Variants in DOCK8 observed in about 807,000 individuals in gnomAD.
DOCK8 encodes dedicator of cytokinesis 8.
A neutral mutation model predicts 245.6 loss-of-function variants in DOCK8; 141 were observed. That is an observed-to-expected ratio of 0.57 (90% confidence interval 0.50 to 0.66). The LOEUF is 0.66. Ranked by LOEUF, DOCK8 falls within the 30% of genes least tolerant of loss-of-function variation. The probability of loss-of-function intolerance (pLI) is 0.00; values close to 1 mark genes in which losing one functional copy is unlikely to be tolerated. For missense variants in DOCK8, 2,965 were observed against 2,603.4 expected, an observed-to-expected ratio of 1.14 and a Z score of -3.02; for synonymous variants, 1,168 against 970.2, an observed-to-expected ratio of 1.20 and a Z score of -3.79.
chr9:254,659 G>C (rs1305982231), intron 1 of DOCK8, among the ~76,000 whole-genome samples: 1 of 152,170 alleles, frequency 6.6e-6, no homozygotes, highest in Non-Finnish European at 1.5e-5. Context: ...GGTGGAAGTG[G>C]AAAATTGCAG....
chr9:343,870 C>T (rs1240978267), intron 14 of DOCK8, among the ~76,000 whole-genome samples: 3 of 152,218 alleles, frequency 2.0e-5, no homozygotes, highest in African/African-American at 7.2e-5. Flanking sequence ...TCAACTTCCC[C>T]TCAGCATTTA....
chr9:291,281 G>T (rs2049025897), intron 4 of DOCK8, among the ~76,000 whole-genome samples: 1 of 151,916 alleles, frequency 6.6e-6, no homozygotes, highest in Non-Finnish European at 1.5e-5. Context: ...TCTTGATCTT[G>T]CACAAATGTA....
In DOCK8 at chr9:406,619, T is replaced by C. The variant is rs556886382; in HGVS notation, c.3391-311T>C. On this transcript the variant is annotated intron_variant, in intron 27 of 47. Coordinates refer to ENST00000432829, the MANE Select transcript of DOCK8 (RefSeq NM_203447.4). ...TGAGGTTCTTATTTCTCTGTCCAAC[T>C]TTTATGCTAGGATTTTTATCTTCAG... Among the ~76,000 whole-genome samples, 5 of 152,260 alleles carry C rather than the reference T, an allele frequency of 3.3e-5. No individual in the cohort carries two copies. The East Asian group carries it at 9.6e-4, about 29-fold the overall frequency.
chr9:273,550 G>C (rs377594055), intron 2 of DOCK8, among the ~76,000 whole-genome samples: 3 of 152,158 alleles, frequency 2.0e-5, no homozygotes, highest in Non-Finnish European at 4.4e-5. Flanking sequence ...TTAGTGCTTT[G>C]CTTTTTTAAA....
chr9:213,503 A>AT (rs562427740), upstream of DOCK8: 6 of 152,174 alleles, frequency 3.9e-5, no homozygotes, highest in Non-Finnish European at 5.9e-5. Flanking sequence ...TTAATAATAT[A>AT]TTTTTTATAT....
intron 10 of DOCK8, among the ~76,000 whole-genome samples, 170 bp downstream of exon 10, chr9:332,648 C>CTT (rs35539095): frequency 4.7e-5 from 3 of 63,962 alleles, no homozygotes; most frequent in African/African-American, 1.4e-4. Context: ...CCGATGATGA[C>CTT]TTTTTTTTTT....
chr9:378,230 T>C (rs1036542142), intron 20 of DOCK8, among the ~76,000 whole-genome samples: 1 of 152,176 alleles, frequency 6.6e-6, no homozygotes, highest in Non-Finnish European at 1.5e-5. Context: ...TCTGGGAGGA[T>C]GCAGGAGGTC....
chr9:271,561 G>A, intron 1 of DOCK8, 66 bp from the exon 2 acceptor site: 1 of 1,218,000 alleles, frequency 8.2e-7, no homozygotes, highest in Non-Finnish European at 1.2e-6. Flanking sequence ...ATCAAAGATT[G>A]CATCTAAAAT....
intron 40 of DOCK8, 84 bp from the exon 41 acceptor site, chr9:441,202 A>G (rs901729897): frequency 1.3e-6 from 2 of 1,580,466 alleles, no homozygotes; most frequent in African/African-American, 2.7e-5. Context: ...TCTCCAGCAC[A>G]TTGTTTGGAC....
chr9:402,053 A>T (rs971600312), intron 26 of DOCK8, among the ~76,000 whole-genome samples: 4 of 152,158 alleles, frequency 2.6e-5, no homozygotes, highest in African/African-American at 9.7e-5. Flanking sequence ...CAAAACTTTA[A>T]GTTGAGTGTA....
rs1468541143 is a variant in DOCK8, at chr9:433,739, T to G, written c.4786-136T>G. On this transcript the variant is annotated intron_variant, in intron 37 of 47. Coordinates refer to ENST00000432829, the MANE Select transcript of DOCK8 (RefSeq NM_203447.4). Reference sequence around the variant, plus strand: ...TGAAAACTACAGAGTCAGGTCTAGATGACTCCGCCATCCCTAGTCTCTGCT... The same window carrying G: ...TGAAAACTACAGAGTCAGGTCTAGAGGACTCCGCCATCCCTAGTCTCTGCT... 3 of 735,386 alleles carry G rather than the reference T, an allele frequency of 4.1e-6. No individual in the cohort carries two copies. The African/African-American group carries it at 5.2e-5, about 13-fold the overall frequency. 45.6% of individuals were successfully genotyped at this position (735,386 alleles called of 1,614,324 possible).
chr9:266,431 A>T lies in DOCK8; in HGVS notation c.54-5196A>T, dbSNP rs77919192. 5.9e-3 allele frequency among the ~76,000 whole-genome samples: 904 copies of T among 152,282 alleles called. 4 individuals are homozygous for T. The highest frequency in any genetic ancestry group is 0.021 in the African/African-American group (867 of 41,546). On this transcript the variant is annotated intron_variant, in intron 1 of 47. Transcript: ENST00000432829. ...CTTCACAGTCTTGCACTATCAGTGA[A>T]TCTTATGCTTTATTGAACATAAAAA...
At chr9:439,454 A>G in intron 40 of DOCK8, 66 bp downstream of exon 40, 1 of 1,595,990 alleles carries the variant, frequency 6.3e-7, no homozygotes, top group Non-Finnish European at 8.5e-7. Context: ...GGGTGCTGGG[A>G]ACACCTGGTC....
chr9:226,675 A>T (rs1241952106), intron 1 of DOCK8, among the ~76,000 whole-genome samples: 2 of 152,190 alleles, frequency 1.3e-5, no homozygotes, highest in Non-Finnish European at 2.9e-5. Context: ...TGATGCTTTT[A>T]ACAGAGATTG....
chr9:457,305 C>T (rs12682895), intron 46 of DOCK8, among the ~76,000 whole-genome samples: 26,941 of 152,134 alleles, frequency 0.18, 2,871 homozygotes, highest in East Asian at 0.44. Flanking sequence ...AAGTTACCTA[C>T]CCTCGGTTTC....
At chr9:292,095 G>C (rs568774994) in intron 4 of DOCK8, among the ~76,000 whole-genome samples, 59 of 112,872 alleles carry the variant, frequency 5.2e-4, no homozygotes, top group African/African-American at 1.9e-3. Context: ...AAAAAAGCCA[G>C]GCACGGTGCT....
chr9:350,070 C>T (rs1004203687), intron 14 of DOCK8, among the ~76,000 whole-genome samples: 9 of 152,148 alleles, frequency 5.9e-5, no homozygotes, highest in East Asian at 5.8e-4. Context: ...TCCTCAAGTT[C>T]GGCTCATCGC....
chr9:427,428 C>G (rs1052722289), intron 34 of DOCK8, among the ~76,000 whole-genome samples: 2 of 152,140 alleles, frequency 1.3e-5, no homozygotes, highest in Non-Finnish European at 2.9e-5. Context: ...CAAATGATGT[C>G]TTCTTTGGAC....
chr9:215,105 G>T (rs1469020556), intron 1 of DOCK8, 76 bp downstream of exon 1: 3 of 1,507,632 alleles, frequency 2.0e-6, no homozygotes, highest in Admixed American at 4.2e-5. Context: ...TCGCTGCAGG[G>T]GCCGAGGCCG....
Sources: gnomAD v4.1 joint callset for allele counts (sites outside exome capture counted in the v4.1 genomes callset) on GRCh38, gnomAD v4.1.1 for gene constraint, MANE v1.5 for transcripts, NCBI Gene and HGNC (gene_info 2026-07-23, HGNC 2026-07-21) for gene names.